Variants in HAO2 observed in about 807,000 individuals in gnomAD.
HAO2 encodes the protein 2-Hydroxyacid oxidase 2.
In HAO2, 42 loss-of-function variants were observed where a neutral mutation model predicts 37.4. The ratio of observed to expected loss-of-function variants is 1.12; its 90% confidence interval spans 0.88 to 1.45. The LOEUF is 1.45. HAO2 is among the 40% of genes most tolerant of loss of function. The pLI, the probability that HAO2 is intolerant of heterozygous loss-of-function variation, is 0.00. For synonymous variants in HAO2, 180 were observed against 162.8 expected (o/e 1.11, Z -0.81); for missense variants, 476 against 430.2 (o/e 1.11, Z -0.94).
chr1:119,370,883 G>A (rs907186973), intron 1 of HAO2, among the ~76,000 whole-genome samples: 3 of 152,170 alleles, frequency 2.0e-5, no homozygotes, highest in Non-Finnish European at 2.9e-5. Context: ...CTACAACCCA[G>A]TGATTGCCAC....
chr1:119,389,847 T>C (rs892960352), intron 5 of HAO2, among the ~76,000 whole-genome samples: 2 of 152,196 alleles, frequency 1.3e-5, no homozygotes, highest in Admixed American at 6.6e-5. Flanking sequence ...GGGTTCGTGG[T>C]CATAAAATCC....
chr1:119,369,187 A>T (rs1648756247), intron 1 of HAO2, among the ~76,000 whole-genome samples: 1 of 152,210 alleles, frequency 6.6e-6, no homozygotes, highest in Admixed American at 6.5e-5. Flanking sequence ...AAAATGGGTT[A>T]AAATGTTTTC....
At position 119,384,868 on chromosome 1, in the gene HAO2, T is replaced by C. The variant is rs1247844378; in HGVS notation, c.376T>C (p.Trp126Arg). 5 of 1,613,816 alleles carry C rather than the reference T, an allele frequency of 3.1e-6. No individual in the cohort carries two copies. The East Asian group carries it at 8.9e-5, about 29-fold the overall frequency. ...IVIAAPEGLR[W>R]FQLYVHPDLQ... The stretch of plus-strand genomic sequence containing the variant: ...CATTGCAGCTCCCGAAGGCCTCCGA[T>C]GGTTCCAACTCTATGTGCATCCAGA... The change falls in exon 4 of 8, where the codon TGG becomes CGG. Residue 126 changes from tryptophan to arginine, a missense_variant. By Grantham distance (101) the Trp-to-Arg change is moderately radical. Transcript: ENST00000325945.
chr1:119,380,304 G>A (rs72989689), intron 1 of HAO2, among the ~76,000 whole-genome samples: 5,567 of 152,172 alleles, frequency 0.037, 316 homozygotes, highest in African/African-American at 0.13. Flanking sequence ...CAAGCTCTGC[G>A]TTTATAGGGC....
intron 1 of HAO2, among the ~76,000 whole-genome samples, chr1:119,372,254 T>C (rs1418198729): frequency 6.6e-6 from 1 of 152,260 alleles, no homozygotes; most frequent in African/African-American, 2.4e-5. Flanking sequence ...AAATTTCTTG[T>C]ATATGCAACT....
chr1:119,385,045 C>T lies in HAO2; in HGVS notation c.553C>T (p.Pro185Ser). 1 of 1,609,732 alleles carries T rather than the reference C, an allele frequency of 6.2e-7. No individual in the cohort carries two copies. The highest frequency in any genetic ancestry group is 1.1e-5 in the South Asian group (1 of 90,982). The change falls in exon 4 of 8, where the codon CCT becomes TCT. Residue 185 changes from proline (P) to serine (S), a missense_variant. Coordinates refer to ENST00000325945, the MANE Select transcript of HAO2 (RefSeq NM_016527.4). ...CTTAACACTAACAGATCTTCAATCA[C>T]CTAAAAAGGTAAGAAAGATACCAAA... is the stretch of plus-strand genomic sequence containing the variant. ...RNLTLTDLQS[P>S]KKGNAIPYFQ...
At chr1:119,379,311 G>A (rs919444145) in intron 1 of HAO2, among the ~76,000 whole-genome samples, 5 of 152,104 alleles carry the variant, frequency 3.3e-5, no homozygotes, top group African/African-American at 1.2e-4. Flanking sequence ...AAACCACATT[G>A]TTTATACAAA....
At chr1:119,378,376 A>G (rs902541985) in intron 1 of HAO2, among the ~76,000 whole-genome samples, 1 of 152,162 alleles carries the variant, frequency 6.6e-6, no homozygotes, top group Non-Finnish European at 1.5e-5. Flanking sequence ...GGATTATAGG[A>G]GCTATAATTC....
chr1:119,380,549 T>C, intron 1 of HAO2: 1 of 634,318 alleles, frequency 1.6e-6, no homozygotes, highest in South Asian at 2.0e-5. Context: ...TACCAGATAG[T>C]AGCATCAGTT....
chr1:119,374,571 C>G (rs1649293549), intron 1 of HAO2, among the ~76,000 whole-genome samples: 1 of 152,204 alleles, frequency 6.6e-6, no homozygotes, highest in African/African-American at 2.4e-5. Context: ...GGACACCATC[C>G]TATAGCACCA....
At chr1:119,388,771 T>G (rs587595086) in intron 5 of HAO2, among the ~76,000 whole-genome samples, 69 of 152,142 alleles carry the variant, frequency 4.5e-4, no homozygotes, top group African/African-American at 1.7e-3. Flanking sequence ...TTTATCTGAG[T>G]TTTTTTAAAA....
chr1:119,383,563 C>T (rs1160628791), intron 3 of HAO2, among the ~76,000 whole-genome samples: 1 of 152,132 alleles, frequency 6.6e-6, no homozygotes, highest in African/African-American at 2.4e-5. Flanking sequence ...ACCTTGTCAT[C>T]TTGTTTGACA....
chr1:119,390,259 TA>T (rs1476968644), intron 5 of HAO2, among the ~76,000 whole-genome samples: 6 of 148,100 alleles, frequency 4.1e-5, no homozygotes, highest in Non-Finnish European at 7.4e-5. Context: ...TATTTGGATT[TA>T]TTTTTTTTTA....
At chr1:119,393,707 T>G in intron 7 of HAO2, 78 bp from the exon 8 acceptor site, 1 of 1,171,188 alleles carries the variant, frequency 8.5e-7, no homozygotes, top group South Asian at 1.2e-5. Flanking sequence ...CTTGCTCCCC[T>G]TCATCACCCC....
chr1:119,379,924 C>T (rs1407873746), intron 1 of HAO2, among the ~76,000 whole-genome samples: 1 of 152,206 alleles, frequency 6.6e-6, no homozygotes, highest in Non-Finnish European at 1.5e-5. Flanking sequence ...CACATCTCAT[C>T]TGGCCTCTGT....
chr1:119,384,702 A>G, intron 3 of HAO2, 74 bp from the exon 4 acceptor site: 3 of 1,247,618 alleles, frequency 2.4e-6, no homozygotes, highest in Non-Finnish European at 1.1e-6. Context: ...CAGAGGCTAC[A>G]CAGACTCCCA....
chr1:119,380,813 G>A, intron 1 of HAO2: 1 of 836,504 alleles, frequency 1.2e-6, no homozygotes, highest in Non-Finnish European at 2.0e-6. Flanking sequence ...GTACAGTGGA[G>A]GAGAAGATAT....
Position 119,392,662 on chromosome 1 carries a change from G to C in HAO2, c.975G>C (p.Glu325Asp), listed in dbSNP as rs1328141547. ...VKEVLNILTN[E>D]FHTSMALTGC... is the part of the protein sequence containing the mutation. Reference sequence around the variant, plus strand: ...AAGTTTTGAACATTTTAACAAATGAGTTCCACACTTCCATGGCCCTTACAG... The same window carrying C: ...AAGTTTTGAACATTTTAACAAATGACTTCCACACTTCCATGGCCCTTACAG... Residue 325 changes from glutamate (E) to aspartate (D), a missense_variant, in exon 7 of 8, where the codon GAG becomes GAC. By Grantham distance (45) the Glu-to-Asp change is conservative (BLOSUM62 2). Transcript: ENST00000325945. 5 of 1,606,892 alleles carry C rather than the reference G, an allele frequency of 3.1e-6. No individual in the cohort carries two copies. In the East Asian group the frequency reaches 1.1e-4, roughly 36 times the overall value.
chr1:119,391,445 A>G (rs2101283203), intron 5 of HAO2, among the ~76,000 whole-genome samples: 1 of 152,348 alleles, frequency 6.6e-6, no homozygotes, highest in South Asian at 2.1e-4. Flanking sequence ...AAGAGGCAAC[A>G]TAAGAGACAA....
Sources: gnomAD v4.1 joint callset for allele counts (sites outside exome capture counted in the v4.1 genomes callset) on GRCh38, gnomAD v4.1.1 for gene constraint, MANE v1.5 for transcripts, NCBI Gene and HGNC (gene_info 2026-07-23, HGNC 2026-07-21) for gene names.